Variants in TMEM127 observed in about 807,000 individuals in gnomAD.
The protein encoded by TMEM127 is transmembrane protein 127.
TMEM127 carries 21 observed loss-of-function variants against 20.1 expected under a neutral mutation model. That is an observed-to-expected ratio of 1.04 (90% CI 0.74 to 1.50). The LOEUF is 1.50. TMEM127 is among the 40% of genes most tolerant of loss of function. The probability of loss-of-function intolerance (pLI) is 0.00; values close to 1 mark genes in which losing one functional copy is unlikely to be tolerated. For synonymous variants in TMEM127, 150 were observed against 144.7 expected (o/e 1.04, Z -0.26); for missense variants, 303 against 317.4 (o/e 0.95, Z 0.34).
chr2:96,260,116 C>T (rs556782362), intron 2 of TMEM127, among the ~76,000 whole-genome samples: 1 of 152,320 alleles, frequency 6.6e-6, no homozygotes, highest in East Asian at 1.9e-4. Flanking sequence ...GTGAGAAAAC[C>T]AAATATGAAA....
chr2:96,256,738 CTA>C (rs1187705253), intron 2 of TMEM127, among the ~76,000 whole-genome samples: 3 of 152,082 alleles, frequency 2.0e-5, no homozygotes, highest in Non-Finnish European at 4.4e-5. Context: ...AGTTGGTAGA[CTA>C]TATCACATTT....
rs1684045554 is a variant in TMEM127 at position 96,249,567 on chromosome 2, G to C, written c.*4241C>G. ...GAAGCCAGTAGTTTGAGACCAGCCTGGGCAACATGGTGAGACTGTCTCTAC... is the reference window on the plus strand; with the variant it reads ...GAAGCCAGTAGTTTGAGACCAGCCTCGGCAACATGGTGAGACTGTCTCTAC... On this transcript the variant is annotated 3_prime_UTR_variant, in exon 4 of 4. Coordinates refer to ENST00000258439, the MANE Select transcript of TMEM127 (RefSeq NM_017849.4). 4.3e-6 allele frequency: 1 copy of C among 230,572 alleles called. No homozygotes were observed. Among genetic ancestry groups the C allele is most frequent in the East Asian group, 6.1e-5 (1 of 16,308 alleles). The allele number at this position is 230,572 out of a possible 1,614,324, so 14.3% of individuals were successfully genotyped here. A position where few individuals can be genotyped will look rare whatever the true frequency, so the allele number is the denominator to read the frequency against.
At position 96,248,708 on chromosome 2, in the gene TMEM127, T is replaced by C. The variant is rs1684021864; in HGVS notation, c.*5100A>G. On this transcript the variant is annotated 3_prime_UTR_variant, in exon 4 of 4. Coordinates refer to ENST00000258439, the MANE Select transcript of TMEM127 (RefSeq NM_017849.4). ...CAAGGAGGCCCTTTACAAGGCTAGC[T>C]GCCATTTTCTACCAAGACAGAAGGA... 1 of 228,178 alleles carries C rather than the reference T, an allele frequency of 4.4e-6. No individual in the cohort carries two copies. The highest frequency in any genetic ancestry group is 2.2e-5 in the African/African-American group (1 of 45,108). The allele number at this position is 228,178 out of a possible 1,614,324, so 14.1% of individuals were successfully genotyped here. A position where few individuals can be genotyped will look rare whatever the true frequency, so the allele number is the denominator to read the frequency against.
At chr2:96,260,857 T>G (rs995025083) in intron 2 of TMEM127, among the ~76,000 whole-genome samples, 2 of 152,192 alleles carry the variant, frequency 1.3e-5, no homozygotes. Flanking sequence ...CTTTTTAGCT[T>G]CCAGACAGGC....
rs1684035430 is a variant in TMEM127, at chr2:96,249,105, T to TG, written c.*4702dup. The TG allele has an allele frequency of 1.7e-5, 4 of 232,366 alleles. No individual in the cohort carries two copies. Among genetic ancestry groups the TG allele is most frequent in the Non-Finnish European group, 2.5e-5 (3 of 117,722 alleles). 14.4% of individuals were successfully genotyped at this position (232,366 alleles called of 1,614,324 possible). On this transcript the variant is annotated 3_prime_UTR_variant, in exon 4 of 4. Transcript: ENST00000258439. ...TGTGTGTGTGTGGTGTGTGTGTGTG[T>TG]GTGTGTGTGTGTTTGAGATGGAGTC...
chr2:96,251,741 C>CT lies in TMEM127; in HGVS notation c.*2066dup, dbSNP rs1222199354. 1 of 232,230 alleles carries CT rather than the reference C, an allele frequency of 4.3e-6. No homozygotes were observed. Among genetic ancestry groups the CT allele is most frequent in the Non-Finnish European group, 8.5e-6 (1 of 117,462 alleles). The allele number at this position is 232,230 out of a possible 1,614,324, so 14.4% of individuals were successfully genotyped here. On this transcript the variant is annotated 3_prime_UTR_variant, in exon 4 of 4. Coordinates refer to ENST00000258439, the MANE Select transcript of TMEM127 (RefSeq NM_017849.4). Reference sequence around the variant, plus strand: ...CAACCCGGGGAATTTATATGACAAACTATCAGTGTCAGGATGGCAGAGGGA... The same window carrying CT: ...CAACCCGGGGAATTTATATGACAAACTTATCAGTGTCAGGATGGCAGAGGGA...
Position 96,265,419 on chromosome 2 carries a change from G to C in TMEM127, c.-38C>G. On this transcript the variant is annotated 5_prime_UTR_variant, in exon 2 of 4. Coordinates refer to ENST00000258439, the MANE Select transcript of TMEM127 (RefSeq NM_017849.4). Reference sequence around the variant, plus strand: ...CCGCCGTCGCTCCGCAGTCGCTGCTGGTCGCCGCCGACCTCCGCGGGGCGC... The same window carrying C: ...CCGCCGTCGCTCCGCAGTCGCTGCTCGTCGCCGCCGACCTCCGCGGGGCGC... 1 of 1,335,668 alleles carries C rather than the reference G, an allele frequency of 7.5e-7. No individual in the cohort carries two copies. Among genetic ancestry groups the C allele is most frequent in the Non-Finnish European group, 9.5e-7 (1 of 1,048,982 alleles). 82.7% of individuals were successfully genotyped at this position (1,335,668 alleles called of 1,614,324 possible). A position where few individuals can be genotyped will look rare whatever the true frequency, so the allele number is the denominator to read the frequency against.
rs1684028240 is a variant in TMEM127, at chr2:96,248,865, G to A, written c.*4943C>T. ...AAGTTCTTCGTTACCTGACTCTTTA[G>A]ACACAGGGTTGGCTGGAGGGGCCTC... On this transcript the variant is annotated 3_prime_UTR_variant, in exon 4 of 4. Transcript: ENST00000258439. 1 of 232,350 alleles carries A rather than the reference G, an allele frequency of 4.3e-6. No homozygotes were observed. The highest frequency in any genetic ancestry group is 8.5e-6 in the Non-Finnish European group (1 of 117,574). The allele number at this position is 232,350 out of a possible 1,614,324, so 14.4% of individuals were successfully genotyped here.
At chr2:96,257,328 G>GTA in intron 2 of TMEM127, among the ~76,000 whole-genome samples, 1 of 152,016 alleles carries the variant, frequency 6.6e-6, no homozygotes, top group Non-Finnish European at 1.5e-5. Context: ...CGGCCGTGGT[G>GTA]GCGCGCGCCT....
chr2:96,256,776 C>A (rs1231683418), intron 2 of TMEM127, among the ~76,000 whole-genome samples: 2 of 151,966 alleles, frequency 1.3e-5, no homozygotes, highest in South Asian at 2.1e-4. Context: ...CTGAACTCTA[C>A]GAGAACAAAA....
rs1194501852 is a variant in TMEM127, at chr2:96,248,971, C to G, written c.*4837G>C. ...ACTCAGCTGAAGGGGCTGGCCAGTCCCGCATAAACCCTCCAGCTCTGAGAT... is the reference window on the plus strand; with the variant it reads ...ACTCAGCTGAAGGGGCTGGCCAGTCGCGCATAAACCCTCCAGCTCTGAGAT... On this transcript the variant is annotated 3_prime_UTR_variant, in exon 4 of 4. Coordinates refer to ENST00000258439, the MANE Select transcript of TMEM127 (RefSeq NM_017849.4). The G allele has an allele frequency of 2.1e-5, 5 of 232,914 alleles. No individual in the cohort carries two copies. The highest frequency in any genetic ancestry group is 4.2e-5 in the Non-Finnish European group (5 of 117,930). 14.4% of individuals were successfully genotyped at this position (232,914 alleles called of 1,614,324 possible).
chr2:96,253,972 C>T lies in TMEM127; in HGVS notation c.553G>A (p.Gly185Arg), dbSNP rs1553436865. The T allele has an allele frequency of 6.2e-7, 1 of 1,614,142 alleles. No individual in the cohort carries two copies. Among genetic ancestry groups the T allele is most frequent in the Non-Finnish European group, 8.5e-7 (1 of 1,180,018 alleles). ...VSFYLVAGAGGASILATAANL... is the reference protein window; with the variant it reads ...VSFYLVAGAGRASILATAANL... ...GCTGCCGTGGCCAGGATTGAGGCTC[C>T]ACCAGCTCCTGCCACCAGGTAGAAG... Residue 185 changes from glycine to arginine, a missense_variant, in exon 4 of 4, where the codon GGA becomes AGA. Physicochemically the swap from Gly to Arg is moderately radical, Grantham distance 125 (BLOSUM62 -2). Transcript: ENST00000258439. This position sits in a 1 kb window ranked among gnomAD's most constrained non-coding sequence, Gnocchi z 4.3.
Position 96,254,834 on chromosome 2 carries a change from C to T in TMEM127, c.408G>A (p.Thr136=), listed in dbSNP as rs143522428. 12 of 1,614,000 alleles carry T rather than the reference C, an allele frequency of 7.4e-6. No individual in the cohort carries two copies. The highest frequency in any genetic ancestry group is 6.7e-5 in the East Asian group (3 of 44,880). Residue 136 remains threonine, a splice_region_variant and synonymous_variant, in exon 3 of 4, where the codon ACG becomes ACA. Coordinates refer to ENST00000258439, the MANE Select transcript of TMEM127 (RefSeq NM_017849.4). ...TRRYAFAHIL[T]VLQCATVIGF... ...ACTGTGAGCAGGCTCACGGCTTACC[C>T]GTTAGGATATGGGCGAAGGCATAGC... is the stretch of plus-strand genomic sequence containing the variant.
rs569953673 is a variant in TMEM127 at position 96,250,623 on chromosome 2, T to C, written c.*3185A>G. ...CTAACAACAACAAAAGAGACCTAAA[T>C]GGGCTGCTCCCTGAAGAGAGCCCTC... On this transcript the variant is annotated 3_prime_UTR_variant, in exon 4 of 4. Coordinates refer to ENST00000258439, the MANE Select transcript of TMEM127 (RefSeq NM_017849.4). 1 of 233,062 alleles carries C rather than the reference T, an allele frequency of 4.3e-6. No homozygotes were observed. Among genetic ancestry groups the C allele is most frequent in the Non-Finnish European group, 8.5e-6 (1 of 117,904 alleles). The allele number at this position is 233,062 out of a possible 1,614,324, so 14.4% of individuals were successfully genotyped here.
In TMEM127 at chr2:96,254,842, T is replaced by C. The variant is rs762156788; in HGVS notation, c.400A>G (p.Ile134Val). The change falls in exon 3 of 4, where the codon ATC becomes GTC. Residue 134 changes from isoleucine (I) to valine (V), a missense_variant. Ile to Val is a conservative substitution (Grantham distance 29). Transcript: ENST00000258439. ...KITRRYAFAHILTVLQCATVI... is the reference protein window; with the variant it reads ...KITRRYAFAHVLTVLQCATVI... ...CAGGCTCACGGCTTACCCGTTAGGA[T>C]ATGGGCGAAGGCATAGCGACGAGTG... The C allele has an allele frequency of 2.5e-6, 4 of 1,614,034 alleles. No individual in the cohort carries two copies. Among genetic ancestry groups the C allele is most frequent in the Non-Finnish European group, 3.4e-6 (4 of 1,179,968 alleles).
At position 96,253,137 on chromosome 2, in the gene TMEM127, G is replaced by A. The variant is rs1209332787; in HGVS notation, c.*671C>T. ...CTCTGGTCCTTGATAGGCACCAGGG[G>A]GCCTCAGTCTCACGCTGGCTCCTGC... On this transcript the variant is annotated 3_prime_UTR_variant, in exon 4 of 4. Transcript: ENST00000258439. This position sits in a 1 kb window ranked among gnomAD's most constrained non-coding sequence, Gnocchi z 4.3. The A allele has an allele frequency of 2.6e-5, 6 of 233,426 alleles. No individual in the cohort carries two copies. The highest frequency in any genetic ancestry group is 4.2e-5 in the Non-Finnish European group (5 of 118,014). 14.5% of individuals were successfully genotyped at this position (233,426 alleles called of 1,614,324 possible). A position where few individuals can be genotyped will look rare whatever the true frequency, so the allele number is the denominator to read the frequency against.
At position 96,254,911 on chromosome 2, in the gene TMEM127, A is replaced by C; in HGVS notation, c.331T>G (p.Phe111Val). Residue 111 changes from phenylalanine (F) to valine (V), a missense_variant, in exon 3 of 4, where the codon TTC becomes GTC. Coordinates refer to ENST00000258439, the MANE Select transcript of TMEM127 (RefSeq NM_017849.4). ...FLGILCSLSA[F>V]LLDVFGPKHP... ...TTCGGCCCAAAGACATCCAGAAGGA[A>C]AGCGGAGAGACTACACAGGATGCCC... is the stretch of plus-strand genomic sequence containing the variant. 6.2e-7 allele frequency: 1 copy of C among 1,614,190 alleles called. No individual in the cohort carries two copies. Among genetic ancestry groups the C allele is most frequent in the Non-Finnish European group, 8.5e-7 (1 of 1,180,014 alleles).
chr2:96,260,880 C>T (rs1684300689), intron 2 of TMEM127, among the ~76,000 whole-genome samples: 1 of 152,218 alleles, frequency 6.6e-6, no homozygotes, highest in Non-Finnish European at 1.5e-5. Context: ...GCGACACAGG[C>T]CTCTTAACAG....
chr2:96,262,359 A>G (rs555285526), intron 2 of TMEM127, among the ~76,000 whole-genome samples: 5 of 152,216 alleles, frequency 3.3e-5, no homozygotes, highest in African/African-American at 1.2e-4. Context: ...TCAGGTCAGG[A>G]TATCTGTTAG....
Sources: gnomAD v4.1 joint callset for allele counts (sites outside exome capture counted in the v4.1 genomes callset) on GRCh38, gnomAD v4.1.1 for gene constraint, Gnocchi (gnomAD v3.1) non-coding constraint, MANE v1.5 for transcripts, NCBI Gene and HGNC (gene_info 2026-07-23, HGNC 2026-07-21) for gene names.